Variants in PRUNE2 observed in about 807,000 individuals in gnomAD.
The protein encoded by PRUNE2 is prune homolog 2 with BCH domain.
PRUNE2 carries 164 observed loss-of-function variants against 252.0 expected under a neutral mutation model. The ratio of observed to expected loss-of-function variants is 0.65; its 90% CI spans 0.57 to 0.74. The LOEUF (loss-of-function observed/expected upper bound fraction) is 0.74, where lower values mean the gene tolerates loss of function less well. PRUNE2 is among the 30% of genes least tolerant of loss of function. The probability of loss-of-function intolerance (pLI) is 0.00; values close to 1 mark genes in which losing one functional copy is unlikely to be tolerated. For synonymous variants in PRUNE2, 1,292 were observed against 1,350.2 expected (o/e 0.96, Z 0.94); for missense variants, 3,495 against 3,711.0 (o/e 0.94, Z 1.51).
Position 76,749,945 on chromosome 9 carries a change from A to C in PRUNE2, c.757-36224T>G, listed in dbSNP as rs575198360. ...CCCTGGTTCCTGACACAGTATTCCT[A>C]CATCCCTTAGAATTTCCCGGGTGAT... On this transcript the variant is annotated intron_variant, in intron 6 of 18. Transcript: ENST00000376718. 4.6e-5 allele frequency among the ~76,000 whole-genome samples: 7 copies of C among 152,256 alleles called. No homozygotes were observed. In the East Asian group the frequency reaches 7.7e-4, roughly 17 times the overall value.
intron 6 of PRUNE2, chr9:76,788,250 A>G: frequency 1.8e-6 from 1 of 545,336 alleles, no homozygotes; most frequent in South Asian, 2.8e-5. Flanking sequence ...AACACCATCA[A>G]GCAACCATCA....
intron 6 of PRUNE2, among the ~76,000 whole-genome samples, chr9:76,741,013 T>G (rs929518440): frequency 3.9e-5 from 6 of 152,196 alleles, no homozygotes; most frequent in Non-Finnish European, 7.3e-5. Flanking sequence ...TCAAAGCTGA[T>G]TTCTTGTCAA....
At chr9:76,638,354 A>G in intron 12 of PRUNE2, 66 bp from the exon 13 acceptor site, 2 of 1,063,920 alleles carry the variant, frequency 1.9e-6, no homozygotes, top group Admixed American at 3.6e-5. Flanking sequence ...TATCTGACCT[A>G]ATGGATAAAT....
chr9:76,788,199 G>A (rs2055200848), intron 6 of PRUNE2: 4 of 473,826 alleles, frequency 8.4e-6, no homozygotes, highest in Non-Finnish European at 1.5e-5. Context: ...GCATTTCCTA[G>A]GTAATAATTT....
intron 1 of PRUNE2, among the ~76,000 whole-genome samples, chr9:76,874,377 A>G (rs575265824): frequency 6.6e-6 from 1 of 152,278 alleles, no homozygotes; most frequent in South Asian, 2.1e-4. Flanking sequence ...GGGGAGTCTA[A>G]TGCTCTGAAT....
chr9:76,810,751 T>TA (rs1016125477), intron 6 of PRUNE2, among the ~76,000 whole-genome samples: 12 of 151,256 alleles, frequency 7.9e-5, no homozygotes, highest in Non-Finnish European at 1.6e-4. Flanking sequence ...TAGCGTGTAC[T>TA]AAAAAAAAAG....
intron 6 of PRUNE2, among the ~76,000 whole-genome samples, chr9:76,781,120 C>T (rs1229868281): frequency 6.6e-6 from 1 of 152,180 alleles, no homozygotes; most frequent in Non-Finnish European, 1.5e-5. Context: ...TTGACTGCCC[C>T]CATCCTACTT....
At chr9:76,797,322 T>C (rs1420649061) in intron 6 of PRUNE2, among the ~76,000 whole-genome samples, 1 of 152,162 alleles carries the variant, frequency 6.6e-6, no homozygotes, top group African/African-American at 2.4e-5. Flanking sequence ...ATATACCAAA[T>C]TGGCAATTAC....
chr9:76,643,995 G>A (rs1843676605), intron 12 of PRUNE2, among the ~76,000 whole-genome samples: 1 of 152,122 alleles, frequency 6.6e-6, no homozygotes, highest in Non-Finnish European at 1.5e-5. Context: ...CTCGGGAAAG[G>A]AAGGCACGCA....
Position 76,865,269 on chromosome 9 carries a change from G to A in PRUNE2, c.37-11061C>T, listed in dbSNP as rs918627561. On this transcript the variant is annotated intron_variant, in intron 1 of 18. Coordinates refer to ENST00000376718, the MANE Select transcript of PRUNE2 (RefSeq NM_015225.3). Reference sequence around the variant, plus strand: ...ACACTGTGAAAGGCTGAGGCAGGAGGACTGCTTGAGGTCAGGAGTTCGAGA... The same window carrying A: ...ACACTGTGAAAGGCTGAGGCAGGAGAACTGCTTGAGGTCAGGAGTTCGAGA... Among the ~76,000 whole-genome samples, 3 of 152,304 alleles carry A rather than the reference G, an allele frequency of 2.0e-5. No individual in the cohort carries two copies. The South Asian group carries it at 6.2e-4, about 32-fold the overall frequency.
At position 76,705,343 on chromosome 9, in the gene PRUNE2, T is replaced by G; in HGVS notation, c.6931A>C (p.Thr2311Pro). 6.2e-7 allele frequency: 1 copy of G among 1,614,006 alleles called. No individual in the cohort carries two copies. The highest frequency in any genetic ancestry group is 8.5e-7 in the Non-Finnish European group (1 of 1,179,880). ...ATGTCATCTATTGTTCCCGTGGATG[T>G]GTTGAGACCTGAGGCATCGCTGAAA... ...HSFSDASGLN[T>P]STGTIDDMSK... Residue 2311 changes from threonine (T) to proline (P), a missense_variant, in exon 8 of 19, where the codon ACA (threonine) becomes CCA (proline). Thr to Pro is a conservative substitution (Grantham distance 38, BLOSUM62 -1). Coordinates refer to ENST00000376718, the MANE Select transcript of PRUNE2 (RefSeq NM_015225.3).
intron 6 of PRUNE2, among the ~76,000 whole-genome samples, chr9:76,744,867 G>A (rs1454633016): frequency 2.6e-5 from 4 of 152,202 alleles, no homozygotes; most frequent in Admixed American, 2.0e-4. Context: ...ACCAAAGGAT[G>A]CTGAACACCA....
intron 9 of PRUNE2, among the ~76,000 whole-genome samples, chr9:76,689,353 C>G (rs1472642254): frequency 2.6e-5 from 4 of 151,958 alleles, no homozygotes; most frequent in Non-Finnish European, 2.9e-5. Flanking sequence ...AACGCATGGA[C>G]TAGATTTCTT....
rs972903168 is a variant in PRUNE2, at chr9:76,897,329, A to G, written c.36+8599T>C. Among the ~76,000 whole-genome samples the G allele has an allele frequency of 4.0e-5, 6 of 148,264 alleles. No homozygotes were observed. In the Admixed American group the frequency reaches 4.1e-4, roughly 10 times the overall value. On this transcript the variant is annotated intron_variant, in intron 1 of 18. Transcript: ENST00000376718. Reference sequence around the variant, plus strand: ...GGAAGAAGGTCCTAGAATTGAAGTCAGGTGATCCGGAAGCAAACTCCAGCT... The same window carrying G: ...GGAAGAAGGTCCTAGAATTGAAGTCGGGTGATCCGGAAGCAAACTCCAGCT...
At chr9:76,811,309 C>T (rs2057341805) in intron 6 of PRUNE2, among the ~76,000 whole-genome samples, 1 of 152,122 alleles carries the variant, frequency 6.6e-6, no homozygotes, top group Admixed American at 6.5e-5. Flanking sequence ...GAAGAAAGTT[C>T]CAAGTGTCAC....
chr9:76,729,392 C>T (rs544359971), intron 6 of PRUNE2, among the ~76,000 whole-genome samples: 1 of 152,154 alleles, frequency 6.6e-6, no homozygotes, highest in Non-Finnish European at 1.5e-5. Context: ...ATTTGAGAAC[C>T]ACATTTTTAT....
At chr9:76,858,550 T>G (rs1280968572) in intron 1 of PRUNE2, among the ~76,000 whole-genome samples, 1 of 150,896 alleles carries the variant, frequency 6.6e-6, no homozygotes, top group Non-Finnish European at 1.5e-5. Context: ...TAAGTGGGAG[T>G]TGAGCAATGA....
intron 1 of PRUNE2, among the ~76,000 whole-genome samples, chr9:76,904,378 T>TCAGA (rs1418577942): frequency 6.6e-6 from 1 of 152,184 alleles, no homozygotes; most frequent in African/African-American, 2.4e-5. Flanking sequence ...CTTGCTCATA[T>TCAGA]CAGACCCCAC....
chr9:76,774,798 G>A (rs2131032808), intron 6 of PRUNE2, among the ~76,000 whole-genome samples: 1 of 152,290 alleles, frequency 6.6e-6, no homozygotes, highest in South Asian at 2.1e-4. Flanking sequence ...TTTAAAGAAA[G>A]TTAAATATGG....
Sources: gnomAD v4.1 joint callset for allele counts (sites outside exome capture counted in the v4.1 genomes callset) on GRCh38, gnomAD v4.1.1 for gene constraint, MANE v1.5 for transcripts, NCBI Gene and HGNC (gene_info 2026-07-23, HGNC 2026-07-21) for gene names.